The following FYN variants were observed in gnomAD, a reference collection of about 807,000 sequenced individuals.
FYN encodes the protein FYN proto-oncogene, Src family tyrosine kinase, also known as tyrosine-protein kinase Fyn.
A neutral mutation model predicts 70.2 loss-of-function variants in FYN; 10 were observed. That is an observed-to-expected ratio of 0.14 (90% CI 0.09 to 0.24). The LOEUF (loss-of-function observed/expected upper bound fraction) is 0.24, where lower values mean the gene tolerates loss of function less well. FYN is among the 10% of genes least tolerant of loss of function. FYN has a pLI of 1.00. For missense variants in FYN, 319 were observed against 673.1 expected, an observed-to-expected ratio of 0.47 and a Z score of 5.82; for synonymous variants, 236 against 248.6, an observed-to-expected ratio of 0.95 and a Z score of 0.48.
chr6:111,761,783 C>T (rs1332903940), intron 3 of FYN, among the ~76,000 whole-genome samples: 1 of 152,164 alleles, frequency 6.6e-6, no homozygotes, highest in Non-Finnish European at 1.5e-5. Context: ...CTCCAGGACG[C>T]TCTGCAGGGT....
At chr6:111,745,992 G>A (rs1412647523) in intron 3 of FYN, among the ~76,000 whole-genome samples, 2 of 152,246 alleles carry the variant, frequency 1.3e-5, no homozygotes, top group African/African-American at 4.8e-5. Context: ...GGTGACCACT[G>A]TGTATTGCAG....
chr6:111,770,234 CTGTA>C (rs1329647146), intron 3 of FYN, among the ~76,000 whole-genome samples: 1 of 152,128 alleles, frequency 6.6e-6, no homozygotes, highest in African/African-American at 2.4e-5. Flanking sequence ...AACATACTGA[CTGTA>C]TGGTAAATGA....
Position 111,756,196 on chromosome 6 carries a change from C to T in FYN, c.-12+24370G>A, listed in dbSNP as rs952574708. On this transcript the variant is annotated intron_variant, in intron 3 of 13. Coordinates refer to ENST00000354650, the MANE Select transcript of FYN (RefSeq NM_002037.5). Reference sequence around the variant, plus strand: ...ATTCAGCAAGGATTAAATAACAGCACACTACTATGAAGAAATATGTGCCAT... The same window carrying T: ...ATTCAGCAAGGATTAAATAACAGCATACTACTATGAAGAAATATGTGCCAT... Among the ~76,000 whole-genome samples the T allele has an allele frequency of 2.0e-5, 3 of 152,074 alleles. No homozygotes were observed. The South Asian group carries it at 6.2e-4, about 32-fold the overall frequency.
Position 111,694,679 on chromosome 6 carries a change from A to G in FYN, c.1068T>C (p.Asp356=), listed in dbSNP as rs2128436380. ...GTAATTTCAGAGCTCTTCCTTCTCCATCTTTTAAGAAATCCAGTAAACTTC... is the reference window on the plus strand; with the variant it reads ...GTAATTTCAGAGCTCTTCCTTCTCCGTCTTTTAAGAAATCCAGTAAACTTC... ...NKGSLLDFLK[D]GEGRALKLPN... The change falls in exon 11 of 14, where the codon GAT becomes GAC. Residue 356 remains aspartate, a synonymous_variant. Coordinates refer to ENST00000354650, the MANE Select transcript of FYN (RefSeq NM_002037.5). This position sits in a 1 kb window ranked among gnomAD's most constrained non-coding sequence, Gnocchi z 5.0. 1.2e-6 allele frequency: 2 copies of G among 1,613,896 alleles called. No individual in the cohort carries two copies. Among genetic ancestry groups the G allele is most frequent in the Non-Finnish European group, 1.7e-6 (2 of 1,179,912 alleles).
chr6:111,835,865 T>C (rs1773170399), intron 2 of FYN, among the ~76,000 whole-genome samples: 2 of 151,902 alleles, frequency 1.3e-5, no homozygotes, highest in African/African-American at 4.8e-5. Context: ...GAACAAAAGA[T>C]TGATCAGATT....
chr6:111,664,773 A>G (rs192983184), intron 13 of FYN, among the ~76,000 whole-genome samples: 2 of 152,144 alleles, frequency 1.3e-5, no homozygotes, highest in East Asian at 1.9e-4. Context: ...TTCTGCCCAG[A>G]CCTCTCAAAG....
intron 3 of FYN, among the ~76,000 whole-genome samples, chr6:111,729,678 G>A (rs556656597): frequency 6.6e-6 from 1 of 152,248 alleles, no homozygotes; most frequent in South Asian, 2.1e-4. Flanking sequence ...AAGTTAAGCA[G>A]AAATTAAAAC....
intron 13 of FYN, 108 bp from the exon 14 acceptor site, chr6:111,662,055 T>C (rs1797759745): frequency 1.2e-6 from 1 of 867,396 alleles, no homozygotes; most frequent in Non-Finnish European, 1.8e-6. Flanking sequence ...GGCTAAAACA[T>C]GCGGAGTACT....
At chr6:111,714,858 T>C (rs567042047) in intron 4 of FYN, among the ~76,000 whole-genome samples, 1 of 152,292 alleles carries the variant, frequency 6.6e-6, no homozygotes, top group South Asian at 2.1e-4. Context: ...CTGGGTAAAA[T>C]GCACCACCCT....
intron 3 of FYN, among the ~76,000 whole-genome samples, chr6:111,729,031 T>G (rs1801324680): frequency 6.6e-6 from 1 of 152,218 alleles, no homozygotes; most frequent in South Asian, 2.1e-4. Flanking sequence ...GTATCACTTC[T>G]AAATTCACAC....
intron 3 of FYN, among the ~76,000 whole-genome samples, chr6:111,729,301 C>T (rs1801338132): frequency 6.6e-6 from 1 of 152,048 alleles, no homozygotes; most frequent in African/African-American, 2.4e-5. Flanking sequence ...TAGTGAAACC[C>T]CAACTCTACT....
chr6:111,803,606 T>A (rs1438496909), intron 2 of FYN, among the ~76,000 whole-genome samples: 2 of 152,082 alleles, frequency 1.3e-5, no homozygotes, highest in African/African-American at 4.8e-5. Context: ...CACTTCATAG[T>A]GTTTTGAACC....
chr6:111,873,265 A>G lies in FYN; in HGVS notation c.-420T>C, dbSNP rs1300027832. The G allele has an allele frequency of 6.7e-6, 1 of 149,700 alleles. No homozygotes were observed. The highest frequency in any genetic ancestry group is 1.5e-5 in the Non-Finnish European group (1 of 67,146). The allele number at this position is 149,700 out of a possible 1,614,324, so 9.3% of individuals were successfully genotyped here. ...CGGGAGAGGACGCGCCGCTCGCACA[A>G]CAACCTCGCCTCTACTCTCGCCGCC... is the stretch of plus-strand genomic sequence containing the variant. On this transcript the variant is annotated 5_prime_UTR_variant, in exon 1 of 14. Coordinates refer to ENST00000354650, the MANE Select transcript of FYN (RefSeq NM_002037.5).
At chr6:111,785,772 A>G (rs1233229828) in intron 2 of FYN, among the ~76,000 whole-genome samples, 1 of 145,728 alleles carries the variant, frequency 6.9e-6, no homozygotes, top group Non-Finnish European at 1.5e-5. Flanking sequence ...CGCACCCATT[A>G]ACTCGTCATT....
At chr6:111,681,454 C>T (rs924861508) in intron 12 of FYN, among the ~76,000 whole-genome samples, 1 of 152,202 alleles carries the variant, frequency 6.6e-6, no homozygotes, top group African/African-American at 2.4e-5. Flanking sequence ...AGCCACCGTG[C>T]CTGACCTAAC....
chr6:111,820,258 T>C (rs1451075046), intron 2 of FYN, among the ~76,000 whole-genome samples: 1 of 152,188 alleles, frequency 6.6e-6, no homozygotes, highest in Non-Finnish European at 1.5e-5. Context: ...CATTATGCAT[T>C]TATATTCCCT....
intron 3 of FYN, among the ~76,000 whole-genome samples, chr6:111,756,089 A>T: frequency 6.6e-6 from 1 of 152,064 alleles, no homozygotes; most frequent in African/African-American, 2.4e-5. Flanking sequence ...GGAAAGACTA[A>T]TAAGAGCCAA....
Position 111,735,864 on chromosome 6 carries a change from A to T in FYN, c.-11-15802T>A, listed in dbSNP as rs1284105706. On this transcript the variant is annotated intron_variant, in intron 3 of 13. Coordinates refer to ENST00000354650, the MANE Select transcript of FYN (RefSeq NM_002037.5). The stretch of plus-strand genomic sequence containing the variant: ...TTACATGTGAGAATAAAGATCTGAA[A>T]CCATAAATGGCTGCAGAGGTGATCT... Among the ~76,000 whole-genome samples the T allele has an allele frequency of 2.0e-5, 3 of 152,346 alleles. No homozygotes were observed. In the East Asian group the frequency reaches 5.8e-4, roughly 29 times the overall value.
At chr6:111,801,880 C>T (rs1771996982) in intron 2 of FYN, among the ~76,000 whole-genome samples, 1 of 152,160 alleles carries the variant, frequency 6.6e-6, no homozygotes, top group African/African-American at 2.4e-5. Context: ...CTGTTAGGCA[C>T]CAGGGGAAGA....
Sources: allele counts gnomAD v4.1 joint callset (sites outside exome capture counted in the v4.1 genomes callset), GRCh38; gene constraint gnomAD v4.1.1; non-coding constraint Gnocchi (gnomAD v3.1); transcripts MANE v1.5; gene names NCBI Gene and HGNC (gene_info 2026-07-23, HGNC 2026-07-21).